BACH2: variants seen among roughly 807,000 people sequenced by gnomAD.
BACH2 encodes the protein transcription regulator protein BACH2.
BACH2 carries 5 observed loss-of-function variants against 61.8 expected under a neutral mutation model. The ratio of observed to expected loss-of-function variants is 0.08; its 90% CI spans 0.04 to 0.17. BACH2 has a LOEUF of 0.17. Ranked by LOEUF, BACH2 falls within the 10% of genes least tolerant of loss-of-function variation. BACH2 has a pLI of 1.00. For missense variants in BACH2, 824 were observed against 1,091.1 expected (o/e 0.76, Z 3.45); for synonymous variants, 446 against 440.1 (o/e 1.01, Z -0.17).
intron 5 of BACH2, among the ~76,000 whole-genome samples, chr6:90,036,217 C>T (rs1779255945): frequency 6.6e-6 from 1 of 150,766 alleles, no homozygotes; most frequent in Non-Finnish European, 1.5e-5. Flanking sequence ...TGGTAGGACA[C>T]CACACTAGAT....
chr6:90,074,585 T>C (rs113525943), intron 5 of BACH2, among the ~76,000 whole-genome samples: 2,025 of 152,280 alleles, frequency 0.013, 37 homozygotes, highest in African/African-American at 0.047. Context: ...CTTAATAGAA[T>C]AATTAAGAAT....
At chr6:89,979,368 C>T (rs1035522109) in intron 6 of BACH2, among the ~76,000 whole-genome samples, 17 of 152,138 alleles carry the variant, frequency 1.1e-4, no homozygotes, top group Admixed American at 6.5e-5. Context: ...ATTTGTACAC[C>T]GAAAACACTC....
At chr6:89,999,226 T>C (rs971728466) in intron 6 of BACH2, among the ~76,000 whole-genome samples, 4 of 152,226 alleles carry the variant, frequency 2.6e-5, no homozygotes, top group Admixed American at 6.5e-5. Context: ...GCACTTGTAT[T>C]GGCAAATGAG....
intron 4 of BACH2, among the ~76,000 whole-genome samples, chr6:90,119,410 T>C (rs1783533730): frequency 6.6e-6 from 1 of 152,188 alleles, no homozygotes; most frequent in African/African-American, 2.4e-5. Context: ...CACACACTAA[T>C]ATAATGTTGA....
intron 1 of BACH2, among the ~76,000 whole-genome samples, 175 bp downstream of exon 1, chr6:90,296,305 T>G (rs1295726204): frequency 1.3e-5 from 2 of 151,060 alleles, no homozygotes; most frequent in South Asian, 2.1e-4. Context: ...TCCTAGAAAA[T>G]GCCATAAAAG....
chr6:90,016,064 A>T (rs1286142482), intron 5 of BACH2, among the ~76,000 whole-genome samples: 1 of 152,138 alleles, frequency 6.6e-6, no homozygotes, highest in Non-Finnish European at 1.5e-5. Context: ...ACTTTGTCTC[A>T]TATTAACATG....
intron 5 of BACH2, among the ~76,000 whole-genome samples, chr6:90,057,821 T>A (rs1177062600): frequency 6.6e-6 from 1 of 152,168 alleles, no homozygotes; most frequent in African/African-American, 2.4e-5. Context: ...TGGTTCAACA[T>A]ACACAAATCA....
chr6:90,042,507 T>A (rs1196162599), intron 5 of BACH2, among the ~76,000 whole-genome samples: 1 of 151,998 alleles, frequency 6.6e-6, no homozygotes, highest in Non-Finnish European at 1.5e-5. Flanking sequence ...CCAAGAATAA[T>A]CCTTTTGCTG....
chr6:90,180,515 T>C (rs1768121977), intron 4 of BACH2, among the ~76,000 whole-genome samples: 1 of 152,158 alleles, frequency 6.6e-6, no homozygotes, highest in South Asian at 2.1e-4. Context: ...TAGCTTTTCA[T>C]GCCTCAACCA....
intron 5 of BACH2, among the ~76,000 whole-genome samples, chr6:90,009,548 AT>A (rs894218157): frequency 2.0e-5 from 3 of 152,272 alleles, no homozygotes; most frequent in Admixed American, 1.3e-4. Context: ...ATTGATGTAC[AT>A]CCCCTTTAAG....
In BACH2 at chr6:90,008,638, C is replaced by T; in HGVS notation, c.207G>A (p.Gln69=). 1 of 1,614,178 alleles carries T rather than the reference C, an allele frequency of 6.2e-7. No individual in the cohort carries two copies. The highest frequency in any genetic ancestry group is 8.5e-7 in the Non-Finnish European group (1 of 1,180,012). Reference sequence around the variant, plus strand: ...AGCTGACCACCAAATCATTTTTTGTCTGTCCAACCAGCGCCTGCCAAAAAT... The same window carrying T: ...AGCTGACCACCAAATCATTTTTTGTTTGTCCAACCAGCGCCTGCCAAAAAT... The part of the protein sequence containing the change: ...SEYFWQALVG[Q]TKNDLVVSLP... The change falls in exon 6 of 9, where the codon CAG becomes CAA. Residue 69 remains glutamine (Q), a synonymous_variant. Coordinates refer to ENST00000257749, the MANE Select transcript of BACH2 (RefSeq NM_021813.4). This position sits in a 1 kb window ranked among gnomAD's most constrained non-coding sequence, Gnocchi z 4.1.
intron 4 of BACH2, among the ~76,000 whole-genome samples, chr6:90,153,971 T>C (rs1020544162): frequency 1.3e-5 from 2 of 152,212 alleles, no homozygotes; most frequent in Non-Finnish European, 2.9e-5. Context: ...TACGGCTTGG[T>C]TATAGATCTA....
chr6:89,953,880 C>T (rs1774265482), intron 6 of BACH2, among the ~76,000 whole-genome samples: 1 of 152,190 alleles, frequency 6.6e-6, no homozygotes, highest in African/African-American at 2.4e-5. Flanking sequence ...CCCCGTGTCA[C>T]AGTACCAGTA....
chr6:89,959,521 A>C (rs1456315078), intron 6 of BACH2, among the ~76,000 whole-genome samples: 1 of 152,162 alleles, frequency 6.6e-6, no homozygotes, highest in African/African-American at 2.4e-5. Flanking sequence ...GACTCAATAC[A>C]AACTTTTTAA....
chr6:89,961,512 G>A (rs1389824467), intron 6 of BACH2, among the ~76,000 whole-genome samples: 1 of 152,150 alleles, frequency 6.6e-6, no homozygotes, highest in East Asian at 1.9e-4. Flanking sequence ...TTTCCTAGGC[G>A]AGAATTTCTT....
intron 4 of BACH2, among the ~76,000 whole-genome samples, chr6:90,121,603 C>T (rs1639050078): frequency 6.6e-6 from 1 of 152,078 alleles, no homozygotes. Context: ...AGTGCAGTGG[C>T]ACAATCTTGG....
intron 4 of BACH2, among the ~76,000 whole-genome samples, chr6:90,090,455 G>C (rs1367347548): frequency 6.6e-6 from 1 of 152,042 alleles, no homozygotes; most frequent in Non-Finnish European, 1.5e-5. Flanking sequence ...TGAATGCCTG[G>C]TTAATTATGA....
chr6:89,939,816 TAATTA>T (rs1773302901), intron 7 of BACH2, among the ~76,000 whole-genome samples: 1 of 134,788 alleles, frequency 7.4e-6, no homozygotes, highest in African/African-American at 2.7e-5. Context: ...CCTGCCCAGT[TAATTA>T]AATTTTTTTT....
intron 8 of BACH2, among the ~76,000 whole-genome samples, chr6:89,934,011 A>G (rs1772850880): frequency 6.6e-6 from 1 of 151,492 alleles, no homozygotes; most frequent in South Asian, 2.1e-4. Context: ...TTTATTAAAA[A>G]AAAAGACAAA....
Sources: allele counts gnomAD v4.1 joint callset (sites outside exome capture counted in the v4.1 genomes callset), GRCh38; gene constraint gnomAD v4.1.1; non-coding constraint Gnocchi (gnomAD v3.1); transcripts MANE v1.5; gene names NCBI Gene and HGNC (gene_info 2026-07-23, HGNC 2026-07-21).